EPHA6: variants seen among roughly 807,000 people sequenced by gnomAD.
The protein encoded by EPHA6 is EPH receptor A6, also known as ephrin type-A receptor 6.
EPHA6 carries 50 observed loss-of-function variants against 112.0 expected under a neutral mutation model. That is an observed-to-expected ratio of 0.45 (90% CI 0.36 to 0.56). EPHA6 has a LOEUF of 0.56. Among genes scored for constraint, EPHA6 ranks in the 20% least tolerant of loss-of-function variants. The pLI, the probability that EPHA6 is intolerant of heterozygous loss-of-function variation, is 0.00. For synonymous variants in EPHA6, 529 were observed against 490.7 expected (o/e 1.08, Z -1.03); for missense variants, 1,280 against 1,417.4 (o/e 0.90, Z 1.56).
At chr3:97,212,396 C>T (rs2077901659) in intron 3 of EPHA6, among the ~76,000 whole-genome samples, 1 of 152,046 alleles carries the variant, frequency 6.6e-6, no homozygotes, top group Non-Finnish European at 1.5e-5. Flanking sequence ...ATAGAAACAA[C>T]ATAGTAGCTT....
At chr3:97,188,392 C>A (rs2077213145) in intron 3 of EPHA6, among the ~76,000 whole-genome samples, 1 of 151,596 alleles carries the variant, frequency 6.6e-6, no homozygotes, top group East Asian at 1.9e-4. Context: ...CAGAAGCATA[C>A]TATATATTAT....
At chr3:97,257,235 T>G (rs889950223) in intron 5 of EPHA6, among the ~76,000 whole-genome samples, 11 of 151,808 alleles carry the variant, frequency 7.2e-5, no homozygotes, top group African/African-American at 2.4e-4. Flanking sequence ...TGAATATAAA[T>G]AATGATCTAA....
intron 14 of EPHA6, among the ~76,000 whole-genome samples, chr3:97,685,643 C>A (rs1269375694): frequency 6.6e-6 from 1 of 152,170 alleles, no homozygotes; most frequent in Non-Finnish European, 1.5e-5. Flanking sequence ...CTGGAAGTGA[C>A]ACCCATCATT....
intron 12 of EPHA6, among the ~76,000 whole-genome samples, chr3:97,599,415 C>T (rs915749427): frequency 6.9e-6 from 1 of 144,050 alleles, no homozygotes; most frequent in Admixed American, 7.0e-5. Flanking sequence ...ACGTTTAAAT[C>T]TTTAATCCAT....
intron 15 of EPHA6, among the ~76,000 whole-genome samples, chr3:97,727,585 T>C (rs2034832167): frequency 1.3e-5 from 2 of 152,062 alleles, no homozygotes; most frequent in Non-Finnish European, 1.5e-5. Context: ...TACTTTATTA[T>C]GTAATGGTCC....
chr3:97,237,561 C>G (rs1402498820), intron 4 of EPHA6, among the ~76,000 whole-genome samples: 1 of 151,924 alleles, frequency 6.6e-6, no homozygotes, highest in Non-Finnish European at 1.5e-5. Context: ...AAAGAATTGT[C>G]CCACTCAATA....
At position 97,217,507 on chromosome 3, in the gene EPHA6, T is replaced by C. The variant is rs187108499; in HGVS notation, c.1115-8757T>C. ...AATGGCATAGATTGTCAAATAGTAG[T>C]TTTTTACAAGACCGAGGTATGTGCT... On this transcript the variant is annotated intron_variant, in intron 3 of 17. Coordinates refer to ENST00000389672, the MANE Select transcript of EPHA6 (RefSeq NM_001080448.3). Among the ~76,000 whole-genome samples the C allele has an allele frequency of 2.6e-3, 400 of 152,174 alleles. 3 individuals are homozygous for C. The highest frequency in any genetic ancestry group is 8.6e-3 in the African/African-American group (359 of 41,532).
chr3:97,010,052 G>A (rs1401638573), intron 3 of EPHA6: 48 of 1,295,650 alleles, frequency 3.7e-5, no homozygotes, highest in South Asian at 1.2e-4. Flanking sequence ...GCCCCACCCC[G>A]AAACAGTAAC....
At chr3:97,233,228 C>T (rs189828040) in intron 4 of EPHA6, among the ~76,000 whole-genome samples, 1 of 151,552 alleles carries the variant, frequency 6.6e-6, no homozygotes, top group Admixed American at 6.6e-5. Context: ...GCCTAGCTGC[C>T]TACTCCATCA....
intron 11 of EPHA6, among the ~76,000 whole-genome samples, chr3:97,544,641 GATTAGAA>G (rs1334653265): frequency 6.6e-6 from 1 of 152,062 alleles, no homozygotes; most frequent in Non-Finnish European, 1.5e-5. Context: ...TTTTTCTATT[GATTAGAA>G]TAGTTTCAGA....
chr3:97,514,649 G>T (rs2092418758), intron 10 of EPHA6, among the ~76,000 whole-genome samples: 1 of 152,156 alleles, frequency 6.6e-6, no homozygotes, highest in African/African-American at 2.4e-5. Flanking sequence ...CTTATAGTAT[G>T]ACTATGTTTG....
chr3:97,511,316 A>T (rs2092361042), intron 10 of EPHA6, among the ~76,000 whole-genome samples: 1 of 152,048 alleles, frequency 6.6e-6, no homozygotes, highest in African/African-American at 2.4e-5. Context: ...TGGTGTATGC[A>T]CCCAAGGGAA....
At chr3:97,001,030 ATGCATGTGTGTTCG>A (rs1360305883) in intron 3 of EPHA6, among the ~76,000 whole-genome samples, 5 of 148,786 alleles carry the variant, frequency 3.4e-5, no homozygotes, top group African/African-American at 7.5e-5. Flanking sequence ...ATATATATAT[ATGCATGTGTGTTCG>A]TATATATGTG....
chr3:97,043,973 T>C (rs2045412071), intron 3 of EPHA6, among the ~76,000 whole-genome samples: 1 of 152,178 alleles, frequency 6.6e-6, no homozygotes, highest in South Asian at 2.1e-4. Context: ...AGCAGGGCAC[T>C]CATGGTTCTT....
chr3:97,341,462 C>T (rs1025096948), intron 5 of EPHA6, among the ~76,000 whole-genome samples: 103 of 151,984 alleles, frequency 6.8e-4, no homozygotes, highest in African/African-American at 2.4e-3. Context: ...TCCAGCAATT[C>T]TCCTGCCTCA....
At chr3:97,508,353 G>C (rs1160748892) in intron 10 of EPHA6, among the ~76,000 whole-genome samples, 1 of 151,998 alleles carries the variant, frequency 6.6e-6, no homozygotes, top group Non-Finnish European at 1.5e-5. Context: ...AGAGATTCTG[G>C]TACATTGTGT....
At chr3:97,506,387 A>G (rs551433083) in intron 10 of EPHA6, among the ~76,000 whole-genome samples, 90 of 152,280 alleles carry the variant, frequency 5.9e-4, no homozygotes, top group African/African-American at 2.0e-3. Context: ...GTCCAGTTTC[A>G]GTTTTCTGCA....
At chr3:97,313,751 C>G (rs761156272) in intron 5 of EPHA6, among the ~76,000 whole-genome samples, 1 of 151,434 alleles carries the variant, frequency 6.6e-6, no homozygotes, top group Non-Finnish European at 1.5e-5. Context: ...TGAGTTGATA[C>G]GTTCCTTATA....
At chr3:97,131,539 A>G (rs2075622788) in intron 3 of EPHA6, among the ~76,000 whole-genome samples, 3 of 152,156 alleles carry the variant, frequency 2.0e-5, no homozygotes, top group Non-Finnish European at 1.5e-5. Context: ...GTGAATTTTT[A>G]TTGTATTTAT....
Sources: gnomAD v4.1 joint callset for allele counts (sites outside exome capture counted in the v4.1 genomes callset) on GRCh38, gnomAD v4.1.1 for gene constraint, MANE v1.5 for transcripts, NCBI Gene and HGNC (gene_info 2026-07-23, HGNC 2026-07-21) for gene names.